Variants in LAMP5 observed in about 807,000 individuals in gnomAD.
The protein encoded by LAMP5 is lysosome associated membrane protein 5, also known as lysosome-associated membrane glycoprotein 5.
LAMP5 carries 36 observed loss-of-function variants against 30.2 expected under a neutral mutation model. That is an observed-to-expected ratio of 1.19 (90% CI 0.91 to 1.57). LAMP5 has a LOEUF of 1.57. Ranked by LOEUF, LAMP5 falls within the 40% of genes most tolerant of loss-of-function variation. The probability of loss-of-function intolerance (pLI) is 0.00; values close to 1 mark genes in which losing one functional copy is unlikely to be tolerated. For synonymous variants in LAMP5, 149 were observed against 134.6 expected (o/e 1.11, Z -0.74); for missense variants, 377 against 354.9 (o/e 1.06, Z -0.50).
In LAMP5 at chr20:9,514,849, G is replaced by A. The variant is rs751213741; in HGVS notation, c.-4G>A. 1 of 1,614,110 alleles carries A rather than the reference G, an allele frequency of 6.2e-7. No homozygotes were observed. ...CAGCCGGCCTCATTCGGGGCACTGC[G>A]AGTATGGATCTCCAAGGAAGAGGGG... On this transcript the variant is annotated 5_prime_UTR_variant, in exon 1 of 6. Transcript: ENST00000246070.
At chr20:9,525,087 G>T (rs1178272854) in intron 5 of LAMP5, among the ~76,000 whole-genome samples, 1 of 151,782 alleles carries the variant, frequency 6.6e-6, no homozygotes, top group South Asian at 2.1e-4. Context: ...TTTTCCTAAA[G>T]CAACAAAAGA....
intron 1 of LAMP5, chr20:9,515,119 G>A: frequency 1.6e-6 from 1 of 617,018 alleles, no homozygotes; most frequent in Non-Finnish European, 2.9e-6. Flanking sequence ...CACCTCTGTG[G>A]CATATTCCAG....
chr20:9,514,851 G>A lies in LAMP5; in HGVS notation c.-2G>A, dbSNP rs756964891. On this transcript the variant is annotated 5_prime_UTR_variant, in exon 1 of 6. Coordinates refer to ENST00000246070, the MANE Select transcript of LAMP5 (RefSeq NM_012261.4). ...GCCGGCCTCATTCGGGGCACTGCGA[G>A]TATGGATCTCCAAGGAAGAGGGGTC... The A allele has an allele frequency of 1.2e-6, 2 of 1,614,136 alleles. No homozygotes were observed. The highest frequency in any genetic ancestry group is 1.7e-6 in the Non-Finnish European group (2 of 1,179,972).
intron 5 of LAMP5, 53 bp downstream of exon 5, chr20:9,518,281 T>C: frequency 6.5e-7 from 1 of 1,545,494 alleles, no homozygotes; most frequent in Non-Finnish European, 8.9e-7. Context: ...TCAGGAAGGA[T>C]GAGAGAGGGA....
At chr20:9,518,940 C>T (rs999073331) in intron 5 of LAMP5, among the ~76,000 whole-genome samples, 9 of 152,228 alleles carry the variant, frequency 5.9e-5, no homozygotes, top group African/African-American at 2.2e-4. Flanking sequence ...TTAAGGCCAG[C>T]TGCTTCTGCT....
In LAMP5 at chr20:9,529,987, G is replaced by C. The variant is rs1187271994; in HGVS notation, c.*167G>C. Reference sequence around the variant, plus strand: ...TGTGTCCATGCTTAAACCCACGGAAGGGGGAGACTCTTTCGGATTTGTAGG... The same window carrying C: ...TGTGTCCATGCTTAAACCCACGGAACGGGGAGACTCTTTCGGATTTGTAGG... On this transcript the variant is annotated 3_prime_UTR_variant, in exon 6 of 6. Coordinates refer to ENST00000246070, the MANE Select transcript of LAMP5 (RefSeq NM_012261.4). The C allele has an allele frequency of 5.2e-6, 3 of 580,084 alleles. No individual in the cohort carries two copies. The highest frequency in any genetic ancestry group is 3.1e-5 in the South Asian group (1 of 32,782). The allele number at this position is 580,084 out of a possible 1,614,324, so 35.9% of individuals were successfully genotyped here. A position where few individuals can be genotyped will look rare whatever the true frequency, so the allele number is the denominator to read the frequency against.
chr20:9,529,879 A>G lies in LAMP5; in HGVS notation c.*59A>G. On this transcript the variant is annotated 3_prime_UTR_variant, in exon 6 of 6. Coordinates refer to ENST00000246070, the MANE Select transcript of LAMP5 (RefSeq NM_012261.4). ...CCCCAACTGGATCAGGTAGAACAACAAAAGCACTTTTCCATCTTGTACACG... is the reference window on the plus strand; with the variant it reads ...CCCCAACTGGATCAGGTAGAACAACGAAAGCACTTTTCCATCTTGTACACG... 1 of 1,546,114 alleles carries G rather than the reference A, an allele frequency of 6.5e-7. No homozygotes were observed.
At chr20:9,524,645 G>T (rs1398256549) in intron 5 of LAMP5, among the ~76,000 whole-genome samples, 1 of 149,528 alleles carries the variant, frequency 6.7e-6, no homozygotes, top group South Asian at 2.1e-4. Flanking sequence ...GTGCTAGATG[G>T]TTTTCAGAAT....
In LAMP5 at chr20:9,530,085, T is replaced by C. The variant is rs139577574; in HGVS notation, c.*265T>C. On this transcript the variant is annotated 3_prime_UTR_variant, in exon 6 of 6. Transcript: ENST00000246070. ...TCTCAGACAGCTTTCGTGCTCATGG[T>C]GGCTTGGCTTTGACTCTCCAAAGAG... is the stretch of plus-strand genomic sequence containing the variant. 638 of 322,550 alleles carry C rather than the reference T, an allele frequency of 2.0e-3. 4 individuals carry two copies. The highest frequency in any genetic ancestry group is 0.012 in the African/African-American group (586 of 48,518). The allele number at this position is 322,550 out of a possible 1,614,324, so 20.0% of individuals were successfully genotyped here. A position where few individuals can be genotyped will look rare whatever the true frequency, so the allele number is the denominator to read the frequency against.
intron 4 of LAMP5, 89 bp downstream of exon 4, chr20:9,516,450 T>A: frequency 1.8e-6 from 2 of 1,140,450 alleles, no homozygotes; most frequent in South Asian, 2.5e-5. Flanking sequence ...TTGGAAACCG[T>A]CCCACGCTTT....
intron 5 of LAMP5, among the ~76,000 whole-genome samples, chr20:9,521,850 G>A (rs906940808): frequency 6.6e-6 from 1 of 152,134 alleles, no homozygotes; most frequent in Non-Finnish European, 1.5e-5. Flanking sequence ...GAATAGGAAG[G>A]CTACCTCTAT....
chr20:9,514,621 G>T lies in LAMP5; in HGVS notation c.-232G>T. On this transcript the variant is annotated 5_prime_UTR_variant, in exon 1 of 6. Transcript: ENST00000246070. ...CTTTCAGCACTCGCAGCCGTGGACC[G>T]CCGTGCGGTCCTTTCCTCCGCAGTG... 1 of 379,312 alleles carries T rather than the reference G, an allele frequency of 2.6e-6. No individual in the cohort carries two copies. Among genetic ancestry groups the T allele is most frequent in the Non-Finnish European group, 5.0e-6 (1 of 200,510 alleles). The allele number at this position is 379,312 out of a possible 1,614,324, so 23.5% of individuals were successfully genotyped here. A position where few individuals can be genotyped will look rare whatever the true frequency, so the allele number is the denominator to read the frequency against.
At chr20:9,527,992 A>T (rs1372067841) in intron 5 of LAMP5, among the ~76,000 whole-genome samples, 1 of 152,226 alleles carries the variant, frequency 6.6e-6, no homozygotes, top group African/African-American at 2.4e-5. Flanking sequence ...TACATATATT[A>T]CATGCACCCT....
intron 5 of LAMP5, among the ~76,000 whole-genome samples, chr20:9,519,649 T>C (rs185418001): frequency 1.6e-4 from 25 of 152,364 alleles, no homozygotes; most frequent in African/African-American, 6.0e-4. Flanking sequence ...TCAAGTATAA[T>C]TTGACTTCTT....
In LAMP5 at chr20:9,529,789, G is replaced by A. The variant is rs372920766; in HGVS notation, c.812G>A (p.Arg271Gln). The change falls in exon 6 of 6, where the codon CGG becomes CAG. Residue 271 changes from arginine to glutamine, a missense_variant. Coordinates refer to ENST00000246070, the MANE Select transcript of LAMP5 (RefSeq NM_012261.4). ...ACTGCCAACCAGGTGCAGATCCCTC[G>A]GGACAGATCCCAGTATAAGCACATG... ...KMTANQVQIP[R>Q]DRSQYKHMG The A allele has an allele frequency of 2.3e-5, 37 of 1,614,014 alleles. No homozygotes were observed. Among genetic ancestry groups the A allele is most frequent in the East Asian group, 6.7e-5 (3 of 44,900 alleles).
At chr20:9,526,818 T>C (rs1023327916) in intron 5 of LAMP5, among the ~76,000 whole-genome samples, 1 of 147,390 alleles carries the variant, frequency 6.8e-6, no homozygotes, top group Non-Finnish European at 1.5e-5. Flanking sequence ...TTCTATTATA[T>C]ATATGTGTAT....
chr20:9,515,670 G>C (rs762886247), intron 2 of LAMP5, 45 bp downstream of exon 2: 1 of 1,595,684 alleles, frequency 6.3e-7, no homozygotes, highest in Non-Finnish European at 8.6e-7. Flanking sequence ...AGGGCTCCAG[G>C]GCGAAGGGCA....
chr20:9,527,916 T>C (rs2045124796), intron 5 of LAMP5, among the ~76,000 whole-genome samples: 1 of 152,212 alleles, frequency 6.6e-6, no homozygotes, highest in Admixed American at 6.5e-5. Flanking sequence ...AGATGCTGGT[T>C]ACATGAGATG....
At chr20:9,524,539 A>G (rs2045098990) in intron 5 of LAMP5, among the ~76,000 whole-genome samples, 1 of 150,040 alleles carries the variant, frequency 6.7e-6, no homozygotes, top group African/African-American at 2.4e-5. Flanking sequence ...CTGAAAGAGA[A>G]AAGCGTGCCC....
Sources: allele counts gnomAD v4.1 joint callset (sites outside exome capture counted in the v4.1 genomes callset), GRCh38; gene constraint gnomAD v4.1.1; transcripts MANE v1.5; gene names NCBI Gene and HGNC (gene_info 2026-07-23, HGNC 2026-07-21).